Variants in LRRC37A2 observed in about 807,000 individuals in gnomAD.
LRRC37A2 encodes the protein leucine-rich repeat-containing protein 37A2.
A neutral mutation model predicts 68.8 loss-of-function variants in LRRC37A2; 9 were observed. The observed-to-expected ratio is 0.13, with a 90% CI of 0.08 to 0.23. The LOEUF (loss-of-function observed/expected upper bound fraction) is 0.23, where lower values mean the gene tolerates loss of function less well. Among genes scored for constraint, LRRC37A2 ranks in the 10% least tolerant of loss-of-function variants. The probability of loss-of-function intolerance (pLI) is 1.00; values close to 1 mark genes in which losing one functional copy is unlikely to be tolerated. For synonymous variants in LRRC37A2, 63 were observed against 367.6 expected (o/e 0.17, Z 9.48); for missense variants, 168 against 950.4 (o/e 0.18, Z 10.82).
At chr17:46,940,524 A>G in the LRRC37A2 span, 2 of 1,614,012 alleles carry the variant, frequency 1.2e-6, no homozygotes, top group Non-Finnish European at 1.7e-6. Context: ...GGATTCTGAG[A>G]CTGCGACGGC....
the LRRC37A2 span, among the ~76,000 whole-genome samples, chr17:46,758,601 T>C: frequency 2.0e-5 from 3 of 152,210 alleles, no homozygotes; most frequent in Non-Finnish European, 4.4e-5. Context: ...AATTTGTACA[T>C]CTTCACTGGG....
At chr17:46,499,165 A>G in the LRRC37A2 span, among the ~76,000 whole-genome samples, 1 of 144,446 alleles carries the variant, frequency 6.9e-6, no homozygotes, top group Non-Finnish European at 1.5e-5. Flanking sequence ...AAATATAAAA[A>G]TTAGCCGGGT....
the LRRC37A2 span, among the ~76,000 whole-genome samples, chr17:46,929,042 A>G: frequency 2.0e-5 from 3 of 152,018 alleles, no homozygotes; most frequent in African/African-American, 7.3e-5. Flanking sequence ...TTAGCCTGTC[A>G]TTCCTCATTA....
the LRRC37A2 span, among the ~76,000 whole-genome samples, chr17:46,764,900 A>G: frequency 2.6e-5 from 4 of 152,220 alleles, no homozygotes; most frequent in African/African-American, 9.6e-5. Context: ...GGCAACAGGA[A>G]GCCCAGGAGC....
the LRRC37A2 span, chr17:46,978,178 C>A: frequency 9.5e-5 from 17 of 179,340 alleles, no homozygotes; most frequent in East Asian, 1.8e-4. Flanking sequence ...TGAAGCCCTA[C>A]GGCTGCAGTT....
At chr17:46,488,001 C>CTA in the LRRC37A2 span, among the ~76,000 whole-genome samples, 1 of 82,964 alleles carries the variant, frequency 1.2e-5, no homozygotes, top group African/African-American at 4.6e-5. Context: ...CAAGAGTCAT[C>CTA]TATATCAGGG....
chr17:46,914,120 G>T, the LRRC37A2 span, among the ~76,000 whole-genome samples: 1 of 152,070 alleles, frequency 6.6e-6, no homozygotes, highest in Non-Finnish European at 1.5e-5. Context: ...AAGTGCAGGG[G>T]GTGGCTGAAG....
the LRRC37A2 span, among the ~76,000 whole-genome samples, chr17:46,853,474 C>A: frequency 1.4e-5 from 2 of 146,810 alleles, no homozygotes; most frequent in East Asian, 2.1e-4. Flanking sequence ...TGGGTTCAAG[C>A]GATTCTCCTG....
chr17:46,724,314 GTTTA>G, the LRRC37A2 span, among the ~76,000 whole-genome samples: 1 of 152,116 alleles, frequency 6.6e-6, no homozygotes, highest in East Asian at 1.9e-4. Flanking sequence ...ACACAACAAA[GTTTA>G]TTTTTTATTT....
chr17:46,900,164 TATAC>T, the LRRC37A2 span, among the ~76,000 whole-genome samples: 963 of 17,852 alleles, frequency 0.054, 2 homozygotes, highest in African/African-American at 0.094. Flanking sequence ...TATATATACA[TATAC>T]ATATATATAT....
At chr17:46,797,123 G>A in the LRRC37A2 span, among the ~76,000 whole-genome samples, 2 of 152,312 alleles carry the variant, frequency 1.3e-5, no homozygotes, top group South Asian at 2.1e-4. Context: ...CTAATGAGCT[G>A]CTAATATTCA....
the LRRC37A2 span, among the ~76,000 whole-genome samples, chr17:46,779,405 G>A: frequency 6.6e-6 from 1 of 152,108 alleles, no homozygotes. Flanking sequence ...TGGGCCAGGG[G>A]CTATTTATAC....
chr17:46,805,431 G>A, the LRRC37A2 span, among the ~76,000 whole-genome samples: 1 of 151,892 alleles, frequency 6.6e-6, no homozygotes, highest in South Asian at 2.1e-4. Flanking sequence ...AAATTAGCCA[G>A]GTGTGGTGGC....
At chr17:46,893,991 T>C in the LRRC37A2 span, among the ~76,000 whole-genome samples, 2 of 152,172 alleles carry the variant, frequency 1.3e-5, no homozygotes, top group Non-Finnish European at 2.9e-5. Context: ...TGGCTTGGTT[T>C]GTAACTCCAG....
the LRRC37A2 span, among the ~76,000 whole-genome samples, chr17:46,661,393 ATTATT>A: frequency 3.3e-5 from 3 of 90,060 alleles, no homozygotes; most frequent in African/African-American, 6.9e-5. Flanking sequence ...TATTATTATT[ATTATT>A]ATTATTATTA....
the LRRC37A2 span, among the ~76,000 whole-genome samples, chr17:47,011,569 T>C: frequency 6.8e-6 from 1 of 147,682 alleles, no homozygotes; most frequent in East Asian, 2.0e-4. Flanking sequence ...AAAAAAAAGT[T>C]GTTTTTTTTT....
At chr17:46,943,274 G>A in the LRRC37A2 span, among the ~76,000 whole-genome samples, 13 of 152,164 alleles carry the variant, frequency 8.5e-5, no homozygotes, top group Non-Finnish European at 1.8e-4. Context: ...GCCATTGGGT[G>A]CCCCTCATTA....
intron 6 of LRRC37A2, among the ~76,000 whole-genome samples, chr17:46,532,926 G>C (rs1203955565): frequency 1.4e-5 from 2 of 142,870 alleles, no homozygotes; most frequent in African/African-American, 2.8e-5. Flanking sequence ...CATACTGAGA[G>C]CTTATCTCTA....
At chr17:46,908,447 T>G in the LRRC37A2 span, among the ~76,000 whole-genome samples, 1 of 152,182 alleles carries the variant, frequency 6.6e-6, no homozygotes. Context: ...GGCCCCTGAC[T>G]GCCTGGCCTC....
Sources: allele counts gnomAD v4.1 joint callset (sites outside exome capture counted in the v4.1 genomes callset), GRCh38; gene constraint gnomAD v4.1.1; transcripts MANE v1.5; gene names NCBI Gene and HGNC (gene_info 2026-07-23, HGNC 2026-07-21).